The following CFAP299 variants were observed in gnomAD, a reference collection of about 807,000 sequenced individuals.
The protein encoded by CFAP299 is cilia and flagella associated protein 299, also known as cilia- and flagella-associated protein 299.
A neutral mutation model predicts 27.0 loss-of-function variants in CFAP299; 21 were observed. That is an observed-to-expected ratio of 0.78 (90% confidence interval 0.55 to 1.12). CFAP299 has a LOEUF of 1.12. CFAP299 is among the 50% of genes most tolerant of loss of function. CFAP299 has a pLI of 0.00. For missense variants in CFAP299, 310 were observed against 276.6 expected, an observed-to-expected ratio of 1.12 and a Z score of -0.86; for synonymous variants, 104 against 98.1, an observed-to-expected ratio of 1.06 and a Z score of -0.36.
At chr4:80,881,865 A>G (rs1446735843) in intron 4 of CFAP299, among the ~76,000 whole-genome samples, 1 of 152,214 alleles carries the variant, frequency 6.6e-6, no homozygotes, top group Non-Finnish European at 1.5e-5. Flanking sequence ...TCTGGAAAAC[A>G]ATAGATGAAA....
intron 5 of CFAP299, among the ~76,000 whole-genome samples, chr4:80,952,920 C>T (rs1222278551): frequency 6.6e-6 from 1 of 152,122 alleles, no homozygotes; most frequent in African/African-American, 2.4e-5. Flanking sequence ...CCTGTCATAG[C>T]CTTGAAATTG....
chr4:80,900,352 G>T (rs1041315126), intron 4 of CFAP299, among the ~76,000 whole-genome samples: 3 of 151,944 alleles, frequency 2.0e-5, no homozygotes, highest in African/African-American at 7.2e-5. Flanking sequence ...ACTATACAAA[G>T]AATACAACAG....
chr4:80,889,854 A>G (rs759739506), intron 4 of CFAP299, among the ~76,000 whole-genome samples: 5 of 152,160 alleles, frequency 3.3e-5, no homozygotes, highest in Non-Finnish European at 7.4e-5. Flanking sequence ...CCTCATATCA[A>G]CAGAATGAAG....
intron 3 of CFAP299, among the ~76,000 whole-genome samples, chr4:80,640,790 A>G (rs1739686617): frequency 6.6e-6 from 1 of 152,156 alleles, no homozygotes; most frequent in Non-Finnish European, 1.5e-5. Flanking sequence ...TCAGAGGGTT[A>G]TTCAAGATTA....
chr4:80,406,800 T>C (rs1726449377), intron 2 of CFAP299, among the ~76,000 whole-genome samples: 1 of 152,208 alleles, frequency 6.6e-6, no homozygotes, highest in South Asian at 2.1e-4. Flanking sequence ...GTTAAAGCTA[T>C]TGATAGGCAT....
At chr4:80,703,086 G>A (rs528272981) in intron 3 of CFAP299, among the ~76,000 whole-genome samples, 1 of 151,644 alleles carries the variant, frequency 6.6e-6, no homozygotes, top group Non-Finnish European at 1.5e-5. Context: ...CATATACATA[G>A]CATATGTCTA....
intron 3 of CFAP299, among the ~76,000 whole-genome samples, chr4:80,617,935 G>A (rs534229632): frequency 2.6e-5 from 4 of 152,064 alleles, no homozygotes; most frequent in African/African-American, 4.8e-5. Context: ...TTAAAAATAC[G>A]TAGGGTCATG....
intron 3 of CFAP299, among the ~76,000 whole-genome samples, chr4:80,815,951 G>A (rs951411472): frequency 6.6e-6 from 1 of 151,768 alleles, no homozygotes; most frequent in Admixed American, 6.6e-5. Flanking sequence ...TACAATACTT[G>A]TAATATTAAA....
At chr4:80,869,107 C>T (rs558178099) in intron 3 of CFAP299, among the ~76,000 whole-genome samples, 11 of 151,910 alleles carry the variant, frequency 7.2e-5, no homozygotes, top group Admixed American at 2.0e-4. Flanking sequence ...TAGTGTGAGT[C>T]GCAAGAAGTC....
intron 3 of CFAP299, among the ~76,000 whole-genome samples, chr4:80,656,111 G>A (rs986798757): frequency 1.3e-5 from 2 of 151,834 alleles, no homozygotes; most frequent in African/African-American, 2.4e-5. Context: ...TGGCTATTCC[G>A]GTGTTTGCAT....
chr4:80,800,240 T>A (rs185765755), intron 3 of CFAP299, among the ~76,000 whole-genome samples: 2 of 67,082 alleles, frequency 3.0e-5, no homozygotes, highest in African/African-American at 1.3e-4. Flanking sequence ...ATAAATAATA[T>A]AATATATAAT....
At chr4:80,713,445 A>G (rs1331109512) in intron 3 of CFAP299, among the ~76,000 whole-genome samples, 1 of 152,220 alleles carries the variant, frequency 6.6e-6, no homozygotes, top group Admixed American at 6.5e-5. Context: ...ATCATATTCC[A>G]TAGAAAATAA....
At chr4:80,714,387 C>T (rs1461157986) in intron 3 of CFAP299, among the ~76,000 whole-genome samples, 1 of 152,114 alleles carries the variant, frequency 6.6e-6, no homozygotes, top group Admixed American at 6.6e-5. Flanking sequence ...CTTTGACTTG[C>T]ATTGTGGTTA....
At chr4:80,480,953 T>C (rs771184683) in intron 2 of CFAP299, among the ~76,000 whole-genome samples, 5 of 152,080 alleles carry the variant, frequency 3.3e-5, no homozygotes, top group Non-Finnish European at 5.9e-5. Flanking sequence ...CAAAAAGGTG[T>C]TCATTATTCC....
intron 3 of CFAP299, among the ~76,000 whole-genome samples, chr4:80,826,984 G>A (rs943526789): frequency 1.3e-5 from 2 of 151,606 alleles, no homozygotes; most frequent in Admixed American, 1.3e-4. Context: ...TAAATAACAA[G>A]GGAAATCAGA....
chr4:80,336,944 A>T (rs867946763), intron 1 of CFAP299, among the ~76,000 whole-genome samples: 2 of 152,204 alleles, frequency 1.3e-5, no homozygotes, highest in African/African-American at 2.4e-5. Context: ...GACTTCAAAG[A>T]TTGGTTACAG....
At chr4:80,457,001 G>A (rs544883785) in intron 2 of CFAP299, among the ~76,000 whole-genome samples, 18 of 144,532 alleles carry the variant, frequency 1.2e-4, no homozygotes, top group Non-Finnish European at 1.6e-4. Flanking sequence ...TTTTTTTAAC[G>A]CAGATGTTTT....
At chr4:80,438,189 G>A (rs935113503) in intron 2 of CFAP299, among the ~76,000 whole-genome samples, 1 of 152,136 alleles carries the variant, frequency 6.6e-6, no homozygotes, top group Non-Finnish European at 1.5e-5. Flanking sequence ...ATTAGTGTGG[G>A]TTGCAATTTG....
At chr4:80,731,762 T>C (rs1270524728) in intron 3 of CFAP299, among the ~76,000 whole-genome samples, 3 of 152,176 alleles carry the variant, frequency 2.0e-5, no homozygotes, top group African/African-American at 7.2e-5. Flanking sequence ...GAGTTGATGT[T>C]TATCAGCTAT....
Sources: gnomAD v4.1 joint callset for allele counts (sites outside exome capture counted in the v4.1 genomes callset) on GRCh38, gnomAD v4.1.1 for gene constraint, MANE v1.5 for transcripts, NCBI Gene and HGNC (gene_info 2026-07-23, HGNC 2026-07-21) for gene names.